Variants in CBX1 observed in about 807,000 individuals in gnomAD.
CBX1 encodes the protein chromobox protein homolog 1.
CBX1 carries 10 observed loss-of-function variants against 25.1 expected under a neutral mutation model. The observed-to-expected ratio is 0.40, with a 90% CI of 0.25 to 0.68. CBX1 has a LOEUF of 0.68. Among genes scored for constraint, CBX1 ranks in the 30% least tolerant of loss-of-function variants. CBX1 has a pLI of 0.40. For missense variants in CBX1, 106 were observed against 218.5 expected (o/e 0.49, Z 3.25); for synonymous variants, 63 against 79.4 (o/e 0.79, Z 1.10).
chr17:48,079,693 A>C (rs1295852772), intron 1 of CBX1, among the ~76,000 whole-genome samples: 2 of 151,972 alleles, frequency 1.3e-5, no homozygotes, highest in African/African-American at 4.8e-5. Context: ...CAAGTTCTCA[A>C]TATGTTGCCC....
intron 1 of CBX1, among the ~76,000 whole-genome samples, chr17:48,084,507 C>A (rs554735262): frequency 3.3e-5 from 5 of 149,686 alleles, no homozygotes; most frequent in Middle Eastern, 3.4e-3. Context: ...CTGTGCCGGG[C>A]GCCAAGCTTC....
At chr17:48,072,978 C>T (rs1344693343) in intron 4 of CBX1, among the ~76,000 whole-genome samples, 1 of 151,902 alleles carries the variant, frequency 6.6e-6, no homozygotes, top group Non-Finnish European at 1.5e-5. Context: ...AAAAATTAGC[C>T]AGGCATGGTG....
chr17:48,082,991 C>T (rs1454064566), intron 1 of CBX1, among the ~76,000 whole-genome samples: 1 of 149,322 alleles, frequency 6.7e-6, no homozygotes, highest in Non-Finnish European at 1.5e-5. Context: ...CTCAGCCTCC[C>T]AAGTAGCTGG....
chr17:48,084,901 C>G (rs2063303417), intron 1 of CBX1, among the ~76,000 whole-genome samples: 1 of 151,354 alleles, frequency 6.6e-6, no homozygotes, highest in Non-Finnish European at 1.5e-5. Flanking sequence ...CAGAGCGAGA[C>G]TCCGTCTCAC....
chr17:48,098,493 A>G (rs2063388539), intron 1 of CBX1, among the ~76,000 whole-genome samples: 1 of 151,886 alleles, frequency 6.6e-6, no homozygotes, highest in Non-Finnish European at 1.5e-5. Context: ...GTGCGTCCCC[A>G]TTTTTTCATT....
chr17:48,093,107 A>C (rs2144465653), intron 1 of CBX1, among the ~76,000 whole-genome samples: 1 of 148,992 alleles, frequency 6.7e-6, no homozygotes, highest in South Asian at 2.1e-4. Context: ...AAAGAAAAGA[A>C]AGAAACAAAT....
chr17:48,096,247 G>A (rs1598317909), intron 1 of CBX1: 1 of 504,042 alleles, frequency 2.0e-6, no homozygotes, highest in East Asian at 1.5e-4. Flanking sequence ...ATGCTGGTGT[G>A]CGAATACATT....
chr17:48,084,767 G>T (rs1282649456), intron 1 of CBX1, among the ~76,000 whole-genome samples: 5 of 149,876 alleles, frequency 3.3e-5, no homozygotes, highest in Non-Finnish European at 7.4e-5. Context: ...AAAATTAGCT[G>T]GGCGTGATGG....
At chr17:48,086,257 G>C (rs893603478) in intron 1 of CBX1, among the ~76,000 whole-genome samples, 1 of 152,098 alleles carries the variant, frequency 6.6e-6, no homozygotes, top group Admixed American at 6.6e-5. Flanking sequence ...ATGTAAAGAA[G>C]CAACAATGCT....
intron 4 of CBX1, 156 bp downstream of exon 4, chr17:48,074,847 GGGT>G: frequency 1.5e-6 from 1 of 658,376 alleles, no homozygotes; most frequent in East Asian, 2.5e-5. Flanking sequence ...CATGAGTCCA[GGGT>G]GGCAGTCAGG....
rs2037611031 is a variant in CBX1 at position 48,070,100 on chromosome 17, AGTAT to A, written c.*1331_*1334del. 1 of 152,690 alleles carries A rather than the reference AGTAT, an allele frequency of 6.5e-6. No individual in the cohort carries two copies. Among genetic ancestry groups the A allele is most frequent in the Non-Finnish European group, 1.5e-5 (1 of 68,050 alleles). The allele number at this position is 152,690 out of a possible 1,614,324, so 9.5% of individuals were successfully genotyped here. A position where few individuals can be genotyped will look rare whatever the true frequency, so the allele number is the denominator to read the frequency against. ...TTATTAAGACAAAAACTGACAATGT[AGTAT>A]GAAGTTTACATTTAAACAAAGTTTA... On this transcript the variant is annotated 3_prime_UTR_variant, in exon 5 of 5. Transcript: ENST00000225603.
intron 1 of CBX1, among the ~76,000 whole-genome samples, chr17:48,089,738 A>C (rs368956529): frequency 6.7e-6 from 1 of 148,926 alleles, no homozygotes; most frequent in Admixed American, 6.7e-5. Context: ...CAGGAGAATC[A>C]CTTGAACCCG....
chr17:48,100,195 G>C (rs1567772225), intron 1 of CBX1, among the ~76,000 whole-genome samples: 1 of 143,180 alleles, frequency 7.0e-6, no homozygotes, highest in Admixed American at 7.1e-5. Flanking sequence ...TTTCCAACAA[G>C]GAAAAGCTGG....
chr17:48,081,106 G>A (rs889820728), intron 1 of CBX1, among the ~76,000 whole-genome samples: 2 of 150,636 alleles, frequency 1.3e-5, no homozygotes, highest in Non-Finnish European at 3.0e-5. Context: ...TTTCGGTAGA[G>A]AAGGGTTTTT....
chr17:48,081,372 T>C (rs2037736464), intron 1 of CBX1, among the ~76,000 whole-genome samples: 2 of 152,244 alleles, frequency 1.3e-5, no homozygotes, highest in African/African-American at 2.4e-5. Context: ...AATGGCATAA[T>C]TGTTAGGTAA....
Position 48,093,286 on chromosome 17 carries a change from T to TAA in CBX1, c.-38+7980_-38+7981dup, listed in dbSNP as rs777087501. On this transcript the variant is annotated intron_variant, in intron 1 of 4. Coordinates refer to ENST00000225603, the MANE Select transcript of CBX1 (RefSeq NM_001127228.2). ...CGAGACTCTGTCTCAAAAATAAAAT[T>TAA]AAAAAAAAAAAAAAAAGACACAGAA... Among the ~76,000 whole-genome samples, 202 of 76,274 alleles carry TAA rather than the reference T, an allele frequency of 2.6e-3. 1 individual carries two copies. The highest frequency in any genetic ancestry group is 9.6e-3 in the African/African-American group (196 of 20,382). The allele number at this position is 76,274 out of a possible 152,430, so 50.0% of individuals were successfully genotyped here.
rs35959502 is a variant in CBX1, at chr17:48,094,738, GAA to G, written c.-38+6528_-38+6529del. On this transcript the variant is annotated intron_variant, in intron 1 of 4. Transcript: ENST00000225603. ...GACGGACCAAGACTCTGTCTCAAAG[GAA>G]AAAAAAAAAAAAAAAGTGTGCTCCT... 3.2e-3 allele frequency among the ~76,000 whole-genome samples: 385 copies of G among 119,314 alleles called. 1 individual carries two copies. The highest frequency in any genetic ancestry group is 4.9e-3 in the Non-Finnish European group (274 of 56,060). The allele number at this position is 119,314 out of a possible 152,430, so 78.3% of individuals were successfully genotyped here. A position where few individuals can be genotyped will look rare whatever the true frequency, so the allele number is the denominator to read the frequency against.
At chr17:48,078,584 G>T (rs1213506830) in intron 1 of CBX1, among the ~76,000 whole-genome samples, 1 of 151,812 alleles carries the variant, frequency 6.6e-6, no homozygotes, top group Non-Finnish European at 1.5e-5. Flanking sequence ...CTGCCTCCCG[G>T]GTTCAAGCGA....
At chr17:48,089,996 C>T (rs1174629886) in intron 1 of CBX1, among the ~76,000 whole-genome samples, 1 of 151,474 alleles carries the variant, frequency 6.6e-6, no homozygotes, top group Non-Finnish European at 1.5e-5. Flanking sequence ...TCTCGGCTCA[C>T]TGCAACCTCC....
Sources: gnomAD v4.1 joint callset for allele counts (sites outside exome capture counted in the v4.1 genomes callset) on GRCh38, gnomAD v4.1.1 for gene constraint, MANE v1.5 for transcripts, NCBI Gene and HGNC (gene_info 2026-07-23, HGNC 2026-07-21) for gene names.